The following NIBAN1 variants were observed in gnomAD, a reference collection of about 807,000 sequenced individuals.
NIBAN1 encodes the protein protein Niban 1.
A neutral mutation model predicts 75.1 loss-of-function variants in NIBAN1; 81 were observed. The observed-to-expected ratio is 1.08, with a 90% CI of 0.90 to 1.30. The LOEUF is 1.30. Among genes scored for constraint, NIBAN1 ranks in the 50% most tolerant of loss-of-function variants. NIBAN1 has a pLI of 0.00. For missense variants in NIBAN1, 1,133 were observed against 1,128.1 expected (o/e 1.00, Z -0.06); for synonymous variants, 436 against 424.8 (o/e 1.03, Z -0.32).
At chr1:184,840,437 G>A (rs1392915465) in intron 5 of NIBAN1, among the ~76,000 whole-genome samples, 1 of 152,148 alleles carries the variant, frequency 6.6e-6, no homozygotes, top group Non-Finnish European at 1.5e-5. Flanking sequence ...TGTTGGTCTA[G>A]TTGAAAGTAT....
chr1:184,912,866 G>A (rs1657280225), intron 1 of NIBAN1, among the ~76,000 whole-genome samples: 1 of 152,124 alleles, frequency 6.6e-6, no homozygotes, highest in Non-Finnish European at 1.5e-5. Flanking sequence ...CAGGGCAGAT[G>A]CAGCCAGCCC....
intron 1 of NIBAN1, among the ~76,000 whole-genome samples, chr1:184,903,232 C>A (rs150566951): frequency 9.3e-4 from 142 of 152,278 alleles, no homozygotes; most frequent in Non-Finnish European, 1.8e-3. Flanking sequence ...GATATACCAC[C>A]ATTTTTGGCA....
intron 1 of NIBAN1, among the ~76,000 whole-genome samples, chr1:184,899,846 C>A (rs1357820024): frequency 1.4e-5 from 2 of 142,724 alleles, no homozygotes; most frequent in African/African-American, 2.6e-5. Flanking sequence ...GACAGAGTGT[C>A]CATCTTGCTG....
In NIBAN1 at chr1:184,827,960, G is replaced by GTT. The variant is rs1047727839; in HGVS notation, c.717+3885_717+3886dup. 6.5e-5 allele frequency among the ~76,000 whole-genome samples: 9 copies of GTT among 137,468 alleles called. No homozygotes were observed. The South Asian group carries it at 1.6e-3, about 24-fold the overall frequency. 90.2% of individuals were successfully genotyped at this position (137,468 alleles called of 152,430 possible). The stretch of plus-strand genomic sequence containing the variant: ...AAAAATGCGGGTAGTTTTGTTTTTT[G>GTT]TTTTTTTTTTTTTTTTCCGTCTTGA... On this transcript the variant is annotated intron_variant, in intron 6 of 13. Transcript: ENST00000367511.
intron 1 of NIBAN1, among the ~76,000 whole-genome samples, chr1:184,942,383 G>A (rs1658112300): frequency 6.6e-6 from 1 of 152,256 alleles, no homozygotes; most frequent in African/African-American, 2.4e-5. Context: ...TAGCATAGTA[G>A]GAAGAACACA....
At chr1:184,798,058 G>T in intron 13 of NIBAN1, 21 bp downstream of exon 13, 1 of 1,531,622 alleles carries the variant, frequency 6.5e-7, no homozygotes, top group Non-Finnish European at 9.0e-7. Flanking sequence ...TGTCCCTGCA[G>T]CACCAGGTAA....
chr1:184,877,765 G>A (rs1269855580), intron 5 of NIBAN1, among the ~76,000 whole-genome samples: 1 of 152,046 alleles, frequency 6.6e-6, no homozygotes, highest in African/African-American at 2.4e-5. Flanking sequence ...TGTTTCAATT[G>A]TAATATATCC....
At chr1:184,876,532 T>C (rs982098568) in intron 5 of NIBAN1, among the ~76,000 whole-genome samples, 4 of 151,782 alleles carry the variant, frequency 2.6e-5, no homozygotes, top group African/African-American at 7.3e-5. Flanking sequence ...ACTCTGTCTC[T>C]TCTAAAAATG....
At chr1:184,807,308 A>C (rs1654227990) in intron 10 of NIBAN1, among the ~76,000 whole-genome samples, 1 of 138,976 alleles carries the variant, frequency 7.2e-6, no homozygotes, top group Non-Finnish European at 1.5e-5. Flanking sequence ...TACTGGGGAA[A>C]AGGTTCCTTA....
At chr1:184,797,982 C>T in intron 13 of NIBAN1, 97 bp downstream of exon 13, 2 of 619,434 alleles carry the variant, frequency 3.2e-6, no homozygotes, top group Non-Finnish European at 2.7e-6. Flanking sequence ...TGTCCATTTC[C>T]TCTTCTCTTT....
chr1:184,938,957 C>T (rs1022076054), intron 1 of NIBAN1, among the ~76,000 whole-genome samples: 24 of 152,232 alleles, frequency 1.6e-4, no homozygotes, highest in Admixed American at 1.4e-3. Flanking sequence ...TACTTAGGGT[C>T]GGTTATGTTA....
intron 1 of NIBAN1, among the ~76,000 whole-genome samples, chr1:184,950,752 A>G (rs1245691699): frequency 6.6e-6 from 1 of 152,252 alleles, no homozygotes; most frequent in African/African-American, 2.4e-5. Flanking sequence ...AAAAGAAGAC[A>G]ATAATCGACA....
chr1:184,965,581 C>T (rs925120477), intron 1 of NIBAN1, among the ~76,000 whole-genome samples: 16 of 152,048 alleles, frequency 1.1e-4, no homozygotes, highest in African/African-American at 3.6e-4. Flanking sequence ...GCTGAGTGAG[C>T]GCTAAATGAT....
chr1:184,797,940 T>G, intron 13 of NIBAN1, 139 bp downstream of exon 13: 1 of 474,060 alleles, frequency 2.1e-6, no homozygotes, highest in South Asian at 4.4e-5. Context: ...TTTCCTTCCC[T>G]CTCCTCACTG....
At chr1:184,831,617 T>C (rs1373633824) in intron 6 of NIBAN1, among the ~76,000 whole-genome samples, 1 of 152,210 alleles carries the variant, frequency 6.6e-6, no homozygotes, top group Non-Finnish European at 1.5e-5. Flanking sequence ...CTTTCCACTG[T>C]AGTTGTCATG....
intron 2 of NIBAN1, among the ~76,000 whole-genome samples, chr1:184,897,499 G>A (rs1238981380): frequency 6.6e-6 from 1 of 152,090 alleles, no homozygotes; most frequent in Admixed American, 6.6e-5. Flanking sequence ...AGGGGCCAGT[G>A]TACTGTTTCT....
chr1:184,925,028 C>T (rs1211506378), intron 1 of NIBAN1, among the ~76,000 whole-genome samples: 1 of 151,946 alleles, frequency 6.6e-6, no homozygotes, highest in African/African-American at 2.4e-5. Flanking sequence ...TTTATTTCTG[C>T]TCCAATCTTT....
At chr1:184,844,887 T>C (rs1391437340) in intron 5 of NIBAN1, among the ~76,000 whole-genome samples, 5 of 152,198 alleles carry the variant, frequency 3.3e-5, no homozygotes, top group Non-Finnish European at 5.9e-5. Context: ...CACTGGCTAA[T>C]TTCATGGCCC....
chr1:184,917,458 C>T (rs761712048), intron 1 of NIBAN1, among the ~76,000 whole-genome samples: 1 of 150,616 alleles, frequency 6.6e-6, no homozygotes, highest in Non-Finnish European at 1.5e-5. Flanking sequence ...ATCCGCCCGC[C>T]TCGGCCTCCC....
Sources: gnomAD v4.1 joint callset for allele counts (sites outside exome capture counted in the v4.1 genomes callset) on GRCh38, gnomAD v4.1.1 for gene constraint, MANE v1.5 for transcripts, NCBI Gene and HGNC (gene_info 2026-07-23, HGNC 2026-07-21) for gene names.